MAGI1: variants seen among roughly 807,000 people sequenced by gnomAD.
MAGI1 encodes the protein membrane-associated guanylate kinase, WW and PDZ domain-containing protein 1.
Under a neutral mutation model 139.9 loss-of-function variants are expected in MAGI1, and 58 were observed. That is an observed-to-expected ratio of 0.41 (90% CI 0.34 to 0.52). The LOEUF is 0.52. MAGI1 is among the 20% of genes least tolerant of loss of function. MAGI1 has a pLI of 0.12. For synonymous variants in MAGI1, 812 were observed against 737.9 expected, an observed-to-expected ratio of 1.10 and a Z score of -1.63; for missense variants, 1,874 against 1,901.6, an observed-to-expected ratio of 0.99 and a Z score of 0.27.
At chr3:65,974,165 A>C (rs940717476) in intron 1 of MAGI1, among the ~76,000 whole-genome samples, 2 of 152,032 alleles carry the variant, frequency 1.3e-5, no homozygotes, top group Non-Finnish European at 2.9e-5. Flanking sequence ...GTTTTGCTGA[A>C]GACAACTAGA....
intron 1 of MAGI1, among the ~76,000 whole-genome samples, chr3:65,835,607 G>C (rs1575650417): frequency 6.7e-6 from 1 of 150,008 alleles, no homozygotes; most frequent in Non-Finnish European, 1.5e-5. Flanking sequence ...GAAAACAGAT[G>C]ACTATATACA....
chr3:65,971,829 A>T (rs988188181), intron 1 of MAGI1, among the ~76,000 whole-genome samples: 5 of 152,164 alleles, frequency 3.3e-5, no homozygotes, highest in African/African-American at 9.7e-5. Context: ...AAGGACCAGA[A>T]CCAGTTAAGA....
chr3:65,682,121 T>C (rs2087635116), intron 1 of MAGI1, among the ~76,000 whole-genome samples: 1 of 152,194 alleles, frequency 6.6e-6, no homozygotes, highest in Admixed American at 6.5e-5. Flanking sequence ...AAGGGGAATT[T>C]ATTTCCTTTA....
intron 1 of MAGI1, among the ~76,000 whole-genome samples, chr3:65,647,776 G>C (rs1428173400): frequency 6.6e-6 from 1 of 151,910 alleles, no homozygotes; most frequent in Non-Finnish European, 1.5e-5. Context: ...AAAAAGAAAA[G>C]AAAGAAAACT....
rs139375556 is a variant in MAGI1 at position 65,484,462 on chromosome 3, T to C, written c.551-5664A>G. Among the ~76,000 whole-genome samples the C allele has an allele frequency of 6.8e-3, 1,033 of 152,228 alleles. 9 individuals carry two copies. Among genetic ancestry groups the C allele is most frequent in the Non-Finnish European group, 0.01 (685 of 68,004 alleles). On this transcript the variant is annotated intron_variant, in intron 3 of 22. Transcript: ENST00000402939. The stretch of plus-strand genomic sequence containing the variant: ...ATATCACCCCCAAGGGGGCAAAAAT[T>C]GTTTTCTTTTTTGAGGGGGAGAGAG...
rs752445138 is a variant in MAGI1 at position 65,429,503 on chromosome 3, A to G, written c.2167+17T>C. ...GGGATAAAAAAAAAATTCAAAGAAC[A>G]AAACAACCCTACTTACCTCCTCGTT... On this transcript the variant is annotated intron_variant, in intron 12 of 22. Coordinates refer to ENST00000402939, the MANE Select transcript of MAGI1 (RefSeq NM_001033057.2). 2.9e-5 allele frequency: 45 copies of G among 1,569,848 alleles called. No homozygotes were observed. In the East Asian group the frequency reaches 9.0e-4, roughly 31 times the overall value.
chr3:65,791,228 G>A (rs2039747911), intron 1 of MAGI1, among the ~76,000 whole-genome samples: 1 of 152,134 alleles, frequency 6.6e-6, no homozygotes, highest in Admixed American at 6.5e-5. Flanking sequence ...TGCAGACCCA[G>A]CCTGCGTGGG....
intron 1 of MAGI1, among the ~76,000 whole-genome samples, chr3:65,985,664 T>C (rs949758648): frequency 1.3e-5 from 2 of 152,222 alleles, no homozygotes; most frequent in Non-Finnish European, 2.9e-5. Context: ...TTTGATGGTT[T>C]ATTTACTAAC....
intron 1 of MAGI1, among the ~76,000 whole-genome samples, chr3:65,663,781 A>T (rs2086339529): frequency 1.3e-5 from 2 of 152,170 alleles, no homozygotes; most frequent in African/African-American, 4.8e-5. Flanking sequence ...GTTCAGCAGT[A>T]TCTTTGACCT....
At chr3:65,727,840 A>G (rs1158787039) in intron 1 of MAGI1, among the ~76,000 whole-genome samples, 1 of 152,218 alleles carries the variant, frequency 6.6e-6, no homozygotes, top group African/African-American at 2.4e-5. Flanking sequence ...GACAGATGAT[A>G]GGAAAGCAGA....
chr3:65,769,299 T>C (rs760394232), intron 1 of MAGI1, among the ~76,000 whole-genome samples: 2 of 152,140 alleles, frequency 1.3e-5, no homozygotes, highest in African/African-American at 4.8e-5. Context: ...TGAGCTCACA[T>C]TGCACATGCA....
chr3:65,804,624 G>A (rs2040730441), intron 1 of MAGI1, among the ~76,000 whole-genome samples: 1 of 152,032 alleles, frequency 6.6e-6, no homozygotes, highest in African/African-American at 2.4e-5. Flanking sequence ...ACTATAGCAA[G>A]TGGCAATGTA....
At chr3:65,683,680 ATG>A (rs201590948) in intron 1 of MAGI1, among the ~76,000 whole-genome samples, 28 of 142,772 alleles carry the variant, frequency 2.0e-4, no homozygotes, top group African/African-American at 7.4e-4. Flanking sequence ...ATATATATGT[ATG>A]GCAAGCACAT....
intron 2 of MAGI1, among the ~76,000 whole-genome samples, chr3:65,584,541 C>G (rs1340631993): frequency 6.6e-6 from 1 of 152,060 alleles, no homozygotes. Context: ...AACCTAGGAA[C>G]AAGACACAGG....
rs1306099660 is a variant in MAGI1 at position 65,548,509 on chromosome 3, C to CTTTTTT, written c.431-54879_431-54878insAAAAAA. Among the ~76,000 whole-genome samples, 133 of 117,392 alleles carry CTTTTTT rather than the reference C, an allele frequency of 1.1e-3. 11 individuals carry two copies. Among genetic ancestry groups the CTTTTTT allele is most frequent in the South Asian group, 0.01 (34 of 3,262 alleles). The allele number at this position is 117,392 out of a possible 152,430, so 77.0% of individuals were successfully genotyped here. A position where few individuals can be genotyped will look rare whatever the true frequency, so the allele number is the denominator to read the frequency against. On this transcript the variant is annotated intron_variant, in intron 2 of 22. Transcript: ENST00000402939. ...TGAGCCCAGCTTTATGCAAACAACA[C>CTTTTTT]TCTTTTTTTTTTTTTTTTTTTTTTT...
At chr3:65,718,410 T>C (rs1261362703) in intron 1 of MAGI1, 1 of 152,196 alleles carries the variant, frequency 6.6e-6, no homozygotes, top group African/African-American at 2.4e-5. Context: ...GCCATATCAA[T>C]ATACATTTGA....
intron 3 of MAGI1, among the ~76,000 whole-genome samples, chr3:65,490,252 A>G (rs933439181): frequency 6.6e-6 from 1 of 152,158 alleles, no homozygotes; most frequent in East Asian, 1.9e-4. Context: ...CATTTTACCA[A>G]TGGGAAAATG....
chr3:65,385,771 G>A (rs1464794233), intron 14 of MAGI1, among the ~76,000 whole-genome samples: 2 of 152,164 alleles, frequency 1.3e-5, no homozygotes, highest in Non-Finnish European at 2.9e-5. Flanking sequence ...ATGGAGCTAA[G>A]CTACTGCACA....
intron 2 of MAGI1, among the ~76,000 whole-genome samples, chr3:65,589,540 C>G (rs758778497): frequency 6.6e-6 from 1 of 152,074 alleles, no homozygotes; most frequent in Non-Finnish European, 1.5e-5. Context: ...TCACTTTGAC[C>G]GTAGCTTCCT....
Sources: allele counts gnomAD v4.1 joint callset (sites outside exome capture counted in the v4.1 genomes callset), GRCh38; gene constraint gnomAD v4.1.1; transcripts MANE v1.5; gene names NCBI Gene and HGNC (gene_info 2026-07-23, HGNC 2026-07-21).